Variants in FAT3 observed in about 807,000 individuals in gnomAD.
FAT3 encodes protocadherin Fat 3.
Under a neutral mutation model 310.2 loss-of-function variants are expected in FAT3, and 95 were observed. The observed-to-expected ratio is 0.31, with a 90% CI of 0.26 to 0.36. The LOEUF is 0.36. Among genes scored for constraint, FAT3 ranks in the 10% least tolerant of loss-of-function variants. The probability of loss-of-function intolerance (pLI) is 1.00; values close to 1 mark genes in which losing one functional copy is unlikely to be tolerated. For missense variants in FAT3, 5,408 were observed against 5,715.6 expected, an observed-to-expected ratio of 0.95 and a Z score of 1.74; for synonymous variants, 2,314 against 2,192.9, an observed-to-expected ratio of 1.06 and a Z score of -1.54.
intron 6 of FAT3, among the ~76,000 whole-genome samples, chr11:92,767,728 C>T (rs1226590984): frequency 6.6e-6 from 1 of 152,148 alleles, no homozygotes; most frequent in Admixed American, 6.5e-5. Flanking sequence ...TGTATGTTTT[C>T]ATTTGTGCTT....
rs540845784 is a variant in FAT3, at chr11:92,720,156, TTTAAAGTAGAG to T, written c.3669+22713_3669+22723del. 6.6e-4 allele frequency among the ~76,000 whole-genome samples: 101 copies of T among 152,330 alleles called. 1 individual carries two copies. The highest frequency in any genetic ancestry group is 2.3e-3 in the African/African-American group (96 of 41,568). Reference sequence around the variant, plus strand: ...TTCCAGAGATATCCTGAAGGATCTTTTTAAAGTAGAGTAAGAGGTTGATTTTCATCTATATT... The same window carrying T: ...TTCCAGAGATATCCTGAAGGATCTTTTAAGAGGTTGATTTTCATCTATATT... On this transcript the variant is annotated intron_variant, in intron 4 of 27. Transcript: ENST00000525166.
At chr11:92,358,912 G>C (rs1948805492) in intron 2 of FAT3, among the ~76,000 whole-genome samples, 1 of 152,126 alleles carries the variant, frequency 6.6e-6, no homozygotes, top group Admixed American at 6.6e-5. Flanking sequence ...TTAACCTGTG[G>C]GCATAGAATG....
At chr11:92,624,015 T>G (rs1264358025) in intron 3 of FAT3, among the ~76,000 whole-genome samples, 2 of 152,154 alleles carry the variant, frequency 1.3e-5, no homozygotes, top group African/African-American at 2.4e-5. Flanking sequence ...GTGGCCAGCA[T>G]TATGCTAGAT....
chr11:92,755,436 C>T (rs890217519), intron 4 of FAT3, among the ~76,000 whole-genome samples: 4 of 152,026 alleles, frequency 2.6e-5, no homozygotes, highest in Admixed American at 2.0e-4. Flanking sequence ...GTTGGCCAGC[C>T]TGGTATCGAA....
intron 2 of FAT3, among the ~76,000 whole-genome samples, chr11:92,444,054 T>C (rs962728111): frequency 6.6e-6 from 1 of 152,196 alleles, no homozygotes; most frequent in East Asian, 1.9e-4. Flanking sequence ...CAATTCAAAG[T>C]CTGACATTTT....
chr11:92,277,407 C>G lies in FAT3; in HGVS notation c.-18+52233C>G, dbSNP rs563075408. On this transcript the variant is annotated intron_variant, in intron 1 of 27. Transcript: ENST00000525166. ...CTGATCTATCAAAAAGAAACAAGCA[C>G]TCAGATGTTTATTGCAGCACGATTC... Among the ~76,000 whole-genome samples the G allele has an allele frequency of 2.0e-5, 3 of 152,156 alleles. No individual in the cohort carries two copies. In the East Asian group the frequency reaches 5.8e-4, roughly 29 times the overall value.
intron 4 of FAT3, among the ~76,000 whole-genome samples, chr11:92,719,250 G>A (rs1031509455): frequency 6.6e-6 from 1 of 152,148 alleles, no homozygotes; most frequent in African/African-American, 2.4e-5. Flanking sequence ...TATTAGATGA[G>A]GAGTTCAGCC....
At chr11:92,638,707 T>C (rs1287419047) in intron 3 of FAT3, among the ~76,000 whole-genome samples, 3 of 152,210 alleles carry the variant, frequency 2.0e-5, no homozygotes, top group African/African-American at 7.2e-5. Flanking sequence ...CATTCCGATG[T>C]AAATTTTGCT....
chr11:92,391,466 C>A (rs535603191), intron 2 of FAT3, among the ~76,000 whole-genome samples: 1 of 152,252 alleles, frequency 6.6e-6, no homozygotes, highest in Admixed American at 6.5e-5. Context: ...ATGCTGCAGG[C>A]AAATAGTTCT....
At chr11:92,392,391 G>A (rs1357230689) in intron 2 of FAT3, among the ~76,000 whole-genome samples, 20 of 152,048 alleles carry the variant, frequency 1.3e-4, no homozygotes, top group Non-Finnish European at 7.4e-5. Flanking sequence ...AATAAGGTTT[G>A]GGGCATTTGG....
chr11:92,389,117 A>C, intron 2 of FAT3, among the ~76,000 whole-genome samples: 1 of 152,210 alleles, frequency 6.6e-6, no homozygotes, highest in East Asian at 1.9e-4. Flanking sequence ...CAGCACTGTA[A>C]CATTGATGTT....
chr11:92,529,393 A>G (rs966082309), intron 3 of FAT3, among the ~76,000 whole-genome samples: 1 of 152,184 alleles, frequency 6.6e-6, no homozygotes, highest in Non-Finnish European at 1.5e-5. Flanking sequence ...ATAGCTTGAG[A>G]GGCATGATAT....
chr11:92,722,735 AT>A (rs1752838581), intron 4 of FAT3, among the ~76,000 whole-genome samples: 1 of 152,092 alleles, frequency 6.6e-6, no homozygotes, highest in African/African-American at 2.4e-5. Context: ...AACCTCAATA[AT>A]TTACTTCTGT....
chr11:92,554,281 T>C (rs1484137104), intron 3 of FAT3, among the ~76,000 whole-genome samples: 1 of 151,188 alleles, frequency 6.6e-6, no homozygotes, highest in Non-Finnish European at 1.5e-5. Flanking sequence ...GCTAACACGG[T>C]GAAACCCTGT....
Position 92,481,415 on chromosome 11 carries a change from G to A in FAT3, c.3293-43219G>A, listed in dbSNP as rs74883567. On this transcript the variant is annotated intron_variant, in intron 2 of 27. Transcript: ENST00000525166. ...ATTCAGGATAAGCTATATGGTTATAGGAAACATAAATTCAAGAAAATAGAG... is the reference window on the plus strand; with the variant it reads ...ATTCAGGATAAGCTATATGGTTATAAGAAACATAAATTCAAGAAAATAGAG... Among the ~76,000 whole-genome samples the A allele has an allele frequency of 4.2e-3, 637 of 152,156 alleles. 3 individuals carry two copies. Among genetic ancestry groups the A allele is most frequent in the Non-Finnish European group, 5.6e-3 (379 of 67,984 alleles).
chr11:92,729,977 T>A (rs1033341804), intron 4 of FAT3, among the ~76,000 whole-genome samples: 3 of 152,304 alleles, frequency 2.0e-5, no homozygotes, highest in Middle Eastern at 3.4e-3. Flanking sequence ...AGTGATTTTT[T>A]AAAAATATTT....
intron 2 of FAT3, among the ~76,000 whole-genome samples, chr11:92,520,814 G>A (rs1464919216): frequency 2.6e-5 from 4 of 152,056 alleles, no homozygotes; most frequent in African/African-American, 7.2e-5. Context: ...ATTGACATCT[G>A]AACATTGTGT....
At chr11:92,583,316 T>G (rs1938919974) in intron 3 of FAT3, among the ~76,000 whole-genome samples, 1 of 152,006 alleles carries the variant, frequency 6.6e-6, no homozygotes, top group Admixed American at 6.6e-5. Flanking sequence ...TTCTCCTTCT[T>G]TTGTCTTTCC....
chr11:92,765,967 A>G (rs1591704867), intron 6 of FAT3, among the ~76,000 whole-genome samples: 1 of 152,212 alleles, frequency 6.6e-6, no homozygotes, highest in Middle Eastern at 3.4e-3. Context: ...ATGCACCAAA[A>G]GCCCCATCAG....
Sources: allele counts gnomAD v4.1 joint callset (sites outside exome capture counted in the v4.1 genomes callset), GRCh38; gene constraint gnomAD v4.1.1; transcripts MANE v1.5; gene names NCBI Gene and HGNC (gene_info 2026-07-23, HGNC 2026-07-21).